Variants in DYNLT2B observed in about 807,000 individuals in gnomAD.
DYNLT2B encodes dynein light chain Tctex-type protein 2B.
In DYNLT2B, 14 loss-of-function variants were observed where a neutral mutation model predicts 19.5. The observed-to-expected ratio is 0.72, with a 90% confidence interval of 0.47 to 1.12. The LOEUF is 1.12. Ranked by LOEUF, DYNLT2B falls within the 50% of genes most tolerant of loss-of-function variation. The probability of loss-of-function intolerance (pLI) is 0.00; values close to 1 mark genes in which losing one functional copy is unlikely to be tolerated. For synonymous variants in DYNLT2B, 70 were observed against 59.7 expected (o/e 1.17, Z -0.79); for missense variants, 133 against 174.7 (o/e 0.76, Z 1.35).
rs542127868 is a variant in DYNLT2B, at chr3:196,306,442, AAAG to A, written c.317+498_317+500del. 8.6e-4 allele frequency among the ~76,000 whole-genome samples: 131 copies of A among 151,914 alleles called. 1 individual carries two copies. The highest frequency in any genetic ancestry group is 3.0e-3 in the African/African-American group (125 of 41,508). On this transcript the variant is annotated intron_variant, in intron 3 of 4. Transcript: ENST00000325318. ...GACCCTGTCTCTTTAAACAAAAAAA[AAAG>A]AAAAGAAAGAAAACACATACATACA...
rs370076819 is a variant in DYNLT2B at position 196,291,379 on chromosome 3, A to G, written c.382-5T>C. 22 of 1,609,630 alleles carry G rather than the reference A, an allele frequency of 1.4e-5. No individual in the cohort carries two copies. The highest frequency in any genetic ancestry group is 4.0e-5 in the African/African-American group (3 of 74,748). ...TACAACGCAGAATAAACTGTCCTAA[A>G]AAATAAATACAACACACACACACAT... On this transcript the variant is annotated splice_polypyrimidine_tract_variant and splice_region_variant and intron_variant, in intron 4 of 4. Coordinates refer to ENST00000325318, the MANE Select transcript of DYNLT2B (RefSeq NM_152773.5).
intron 3 of DYNLT2B, among the ~76,000 whole-genome samples, chr3:196,296,920 T>C (rs555146852): frequency 6.6e-6 from 1 of 151,894 alleles, no homozygotes; most frequent in Non-Finnish European, 1.5e-5. Flanking sequence ...AGCAGGACCC[T>C]GGCTCTTAAA....
intron 3 of DYNLT2B, among the ~76,000 whole-genome samples, chr3:196,304,082 C>A (rs573229853): frequency 6.6e-6 from 1 of 152,248 alleles, no homozygotes; most frequent in South Asian, 2.1e-4. Flanking sequence ...TACGCTAACT[C>A]TGCAACTTTT....
chr3:196,309,286 AT>A (rs1185980242), intron 2 of DYNLT2B, among the ~76,000 whole-genome samples: 1 of 152,004 alleles, frequency 6.6e-6, no homozygotes, highest in African/African-American at 2.4e-5. Flanking sequence ...TTTTTTTGAG[AT>A]GGAGTTTCAC....
At chr3:196,307,485 T>C (rs1266806660) in intron 2 of DYNLT2B, among the ~76,000 whole-genome samples, 1 of 151,964 alleles carries the variant, frequency 6.6e-6, no homozygotes, top group Admixed American at 6.6e-5. Flanking sequence ...GTATTTTTAG[T>C]AGAAAAGGTG....
At chr3:196,294,322 G>A (rs1726170567) in intron 4 of DYNLT2B, among the ~76,000 whole-genome samples, 1 of 152,060 alleles carries the variant, frequency 6.6e-6, no homozygotes, top group Non-Finnish European at 1.5e-5. Context: ...ACTCCATCCT[G>A]GGCAACAAGA....
chr3:196,296,202 CCA>C, intron 3 of DYNLT2B, 133 bp from the exon 4 acceptor site: 7 of 739,814 alleles, frequency 9.5e-6, no homozygotes, highest in South Asian at 5.0e-5. Context: ...AGGTAGGTAC[CCA>C]CAGAGTATTG....
chr3:196,318,143 A>G lies in DYNLT2B; in HGVS notation c.10T>C (p.Ser4Pro). The G allele has an allele frequency of 6.5e-7, 1 of 1,532,614 alleles. No individual in the cohort carries two copies. 94.9% of individuals were successfully genotyped at this position (1,532,614 alleles called of 1,614,324 possible). A position where few individuals can be genotyped will look rare whatever the true frequency, so the allele number is the denominator to read the frequency against. Residue 4 changes from serine (S) to proline (P), a missense_variant, in exon 1 of 5, where the codon TCC becomes CCC. Physicochemically the swap from Ser to Pro is moderately conservative, Grantham distance 74. Transcript: ENST00000325318. MATSIGVSFSVGDG... is the reference protein window; with the variant it reads MATPIGVSFSVGDG... Reference sequence around the variant, plus strand: ...CCCACCGAGAAGGACACTCCGATGGACGTGGCCATGCCGGGGCTTCTCGGT... The same window carrying G: ...CCCACCGAGAAGGACACTCCGATGGGCGTGGCCATGCCGGGGCTTCTCGGT...
rs1417510774 is a variant in DYNLT2B, at chr3:196,316,908, T to TG, written c.114-678_114-677insC. Reference sequence around the variant, plus strand: ...TTTTTTCAGTGTGTGTGTGTGTGTGTTGTGTGGTGTGTGTGTGTGTTGTGT... The same window carrying TG: ...TTTTTTCAGTGTGTGTGTGTGTGTGTGTGTGTGGTGTGTGTGTGTGTTGTGT... On this transcript the variant is annotated intron_variant, in intron 1 of 4. Coordinates refer to ENST00000325318, the MANE Select transcript of DYNLT2B (RefSeq NM_152773.5). Among the ~76,000 whole-genome samples, 130 of 44,448 alleles carry TG rather than the reference T, an allele frequency of 2.9e-3. 6 individuals are homozygous for TG. The highest frequency in any genetic ancestry group is 0.019 in the East Asian group (7 of 376). 29.2% of individuals were successfully genotyped at this position (44,448 alleles called of 152,430 possible). A position where few individuals can be genotyped will look rare whatever the true frequency, so the allele number is the denominator to read the frequency against.
At chr3:196,317,795 C>T (rs1221050888) in intron 1 of DYNLT2B, among the ~76,000 whole-genome samples, 1 of 152,216 alleles carries the variant, frequency 6.6e-6, no homozygotes, top group Non-Finnish European at 1.5e-5. Flanking sequence ...TCCCGCCGCG[C>T]CACCCTAAGA....
intron 4 of DYNLT2B, among the ~76,000 whole-genome samples, chr3:196,293,668 C>T (rs1485151283): frequency 8.9e-6 from 1 of 112,036 alleles, no homozygotes; most frequent in Non-Finnish European, 1.8e-5. Context: ...TTTTTTGAGA[C>T]AGAGTCTCGC....
At chr3:196,312,868 C>A (rs1198653714) in intron 2 of DYNLT2B, among the ~76,000 whole-genome samples, 1 of 152,140 alleles carries the variant, frequency 6.6e-6, no homozygotes, top group Non-Finnish European at 1.5e-5. Flanking sequence ...AACAAAATCT[C>A]ATCATCTAGG....
At chr3:196,298,470 C>G (rs539945723) in intron 3 of DYNLT2B, among the ~76,000 whole-genome samples, 1 of 151,948 alleles carries the variant, frequency 6.6e-6, no homozygotes, top group Non-Finnish European at 1.5e-5. Flanking sequence ...TGCATTACCA[C>G]GCCTGGCTAA....
intron 2 of DYNLT2B, 29 bp from the exon 3 acceptor site, chr3:196,307,041 A>C (rs1403526726): frequency 6.3e-7 from 1 of 1,594,730 alleles, no homozygotes; most frequent in South Asian, 1.1e-5. Flanking sequence ...GTTATTTATA[A>C]GCAAATATGT....
At chr3:196,317,899 C>T (rs988534599) in intron 1 of DYNLT2B, 141 bp downstream of exon 1, 35 of 362,820 alleles carry the variant, frequency 9.6e-5, no homozygotes, top group African/African-American at 6.9e-4. Flanking sequence ...GGGCCGCCCG[C>T]CCGCCTCGCG....
Position 196,318,192 on chromosome 3 carries a change from C to A in DYNLT2B, c.-40G>T. On this transcript the variant is annotated 5_prime_UTR_variant, in exon 1 of 5. Transcript: ENST00000325318. ...GTCCGGGCGTAGCTCGCGATGAAGG[C>A]CTAGCGGGTTGCGGTCGCGGCCGGC... 1 of 1,279,364 alleles carries A rather than the reference C, an allele frequency of 7.8e-7. No homozygotes were observed. The highest frequency in any genetic ancestry group is 3.0e-5 in the East Asian group (1 of 33,854). The allele number at this position is 1,279,364 out of a possible 1,614,324, so 79.3% of individuals were successfully genotyped here.
chr3:196,296,189 C>T, intron 3 of DYNLT2B, 120 bp from the exon 4 acceptor site: 1 of 822,682 alleles, frequency 1.2e-6, no homozygotes, highest in East Asian at 2.5e-5. Context: ...CCAAACCTTT[C>T]ACAGGTAGGT....
chr3:196,310,982 C>T (rs1186023827), intron 2 of DYNLT2B, among the ~76,000 whole-genome samples: 4 of 151,438 alleles, frequency 2.6e-5, no homozygotes, highest in South Asian at 2.1e-4. Flanking sequence ...GCAATCCACC[C>T]GCCTCGGCCT....
chr3:196,314,996 G>C (rs1490670142), intron 2 of DYNLT2B, among the ~76,000 whole-genome samples: 1 of 152,106 alleles, frequency 6.6e-6, no homozygotes, highest in Admixed American at 6.6e-5. Flanking sequence ...GCCAGGCTGA[G>C]GACTTGACAG....
Sources: allele counts gnomAD v4.1 joint callset (sites outside exome capture counted in the v4.1 genomes callset), GRCh38; gene constraint gnomAD v4.1.1; transcripts MANE v1.5; gene names NCBI Gene and HGNC (gene_info 2026-07-23, HGNC 2026-07-21).